The following MAPK4 variants were observed in gnomAD, a reference collection of about 807,000 sequenced individuals.
MAPK4 encodes the protein Erk3-related.
In MAPK4, 22 loss-of-function variants were observed where a neutral mutation model predicts 47.7. The observed-to-expected ratio is 0.46, with a 90% CI of 0.33 to 0.66. The LOEUF is 0.66. MAPK4 is among the 30% of genes least tolerant of loss of function. The probability of loss-of-function intolerance (pLI) is 0.02; values close to 1 mark genes in which losing one functional copy is unlikely to be tolerated. For synonymous variants in MAPK4, 390 were observed against 365.7 expected (o/e 1.07, Z -0.76); for missense variants, 736 against 831.7 (o/e 0.88, Z 1.42).
intron 1 of MAPK4, among the ~76,000 whole-genome samples, chr18:50,611,233 A>T (rs559995322): frequency 1.3e-5 from 2 of 152,232 alleles, no homozygotes; most frequent in South Asian, 4.2e-4. Context: ...TTTCTTACCA[A>T]CCTCCAATAT....
At chr18:50,725,933 A>G (rs1598962365) in intron 4 of MAPK4, 29 bp from the exon 5 acceptor site, 2 of 1,573,906 alleles carry the variant, frequency 1.3e-6, no homozygotes, top group Non-Finnish European at 1.7e-6. Context: ...GCAACAAATG[A>G]CCTTCATGTC....
intron 1 of MAPK4, among the ~76,000 whole-genome samples, chr18:50,625,420 T>A (rs1191232763): frequency 6.6e-6 from 1 of 152,172 alleles, no homozygotes; most frequent in African/African-American, 2.4e-5. Flanking sequence ...GCATCATTCT[T>A]TGAGAGCCTT....
chr18:50,719,194 GC>G (rs1437516770), intron 3 of MAPK4, among the ~76,000 whole-genome samples: 1 of 151,756 alleles, frequency 6.6e-6, no homozygotes, highest in African/African-American at 2.4e-5. Context: ...GTCTTCATTT[GC>G]CCCCTGGACT....
chr18:50,564,902 A>G (rs11082830), intron 1 of MAPK4, among the ~76,000 whole-genome samples: 77,286 of 151,986 alleles, frequency 0.51, 20,067 homozygotes, highest in Non-Finnish European at 0.57. Flanking sequence ...AATTTGATGG[A>G]CCCTCTTTAA....
chr18:50,695,338 TAAAAAAAA>T (rs59857315), intron 2 of MAPK4, among the ~76,000 whole-genome samples: 8 of 84,696 alleles, frequency 9.4e-5, no homozygotes, highest in Non-Finnish European at 1.8e-4. Context: ...GGCTCCATCT[TAAAAAAAA>T]AAAAAAAAAA....
At chr18:50,616,365 C>T (rs1214962075) in intron 1 of MAPK4, among the ~76,000 whole-genome samples, 1 of 152,108 alleles carries the variant, frequency 6.6e-6, no homozygotes, top group Non-Finnish European at 1.5e-5. Context: ...ATGGGATTTC[C>T]TCATCCATAA....
intron 1 of MAPK4, among the ~76,000 whole-genome samples, chr18:50,598,110 A>G (rs1021761435): frequency 3.3e-5 from 5 of 152,204 alleles, no homozygotes; most frequent in Non-Finnish European, 7.3e-5. Flanking sequence ...CCACTACCAC[A>G]ACACCCCTTT....
At chr18:50,670,772 A>AAG (rs1907898434) in intron 2 of MAPK4, among the ~76,000 whole-genome samples, 1 of 151,734 alleles carries the variant, frequency 6.6e-6, no homozygotes, top group Non-Finnish European at 1.5e-5. Flanking sequence ...AAAAAAAAAA[A>AAG]AAATCAACTA....
At chr18:50,572,765 A>G (rs1450605197) in intron 1 of MAPK4, among the ~76,000 whole-genome samples, 1 of 152,180 alleles carries the variant, frequency 6.6e-6, no homozygotes, top group Non-Finnish European at 1.5e-5. Flanking sequence ...TTGCTCTACA[A>G]TTTGAGTTCA....
intron 1 of MAPK4, among the ~76,000 whole-genome samples, chr18:50,568,063 G>T (rs2042216646): frequency 6.6e-6 from 1 of 151,908 alleles, no homozygotes; most frequent in East Asian, 1.9e-4. Context: ...GGGCGTGGTG[G>T]CGGATGCCTG....
chr18:50,564,652 C>T (rs2042183153), intron 1 of MAPK4, among the ~76,000 whole-genome samples: 2 of 152,156 alleles, frequency 1.3e-5, no homozygotes, highest in Admixed American at 6.5e-5. Context: ...GAATAAATAT[C>T]CTTTTTTTCA....
intron 2 of MAPK4, among the ~76,000 whole-genome samples, chr18:50,688,994 C>A (rs373720691): frequency 2.6e-5 from 4 of 152,204 alleles, no homozygotes; most frequent in Admixed American, 2.0e-4. Flanking sequence ...TGCGGTGGCT[C>A]ACGCCTGTAA....
At chr18:50,667,204 C>G (rs775098122) in intron 2 of MAPK4, among the ~76,000 whole-genome samples, 3 of 152,206 alleles carry the variant, frequency 2.0e-5, no homozygotes, top group Non-Finnish European at 4.4e-5. Flanking sequence ...GAGTCTGTCT[C>G]TTTGTACTCT....
At chr18:50,709,203 G>A (rs1190103707) in intron 2 of MAPK4, among the ~76,000 whole-genome samples, 1 of 152,166 alleles carries the variant, frequency 6.6e-6, no homozygotes, top group Non-Finnish European at 1.5e-5. Flanking sequence ...GGGCTCCTGG[G>A]AACCCAGTCC....
chr18:50,575,363 G>A (rs1055234764), intron 1 of MAPK4, among the ~76,000 whole-genome samples: 14 of 152,160 alleles, frequency 9.2e-5, no homozygotes, highest in African/African-American at 1.4e-4. Flanking sequence ...CAGGTATTTT[G>A]TCTTTGCAGA....
At chr18:50,592,642 C>A (rs2042447786) in intron 1 of MAPK4, among the ~76,000 whole-genome samples, 1 of 152,124 alleles carries the variant, frequency 6.6e-6, no homozygotes, top group Admixed American at 6.5e-5. Context: ...TGTTGCCAAG[C>A]AATATGGGAA....
chr18:50,563,869 C>T (rs963303458), intron 1 of MAPK4, among the ~76,000 whole-genome samples: 1 of 152,178 alleles, frequency 6.6e-6, no homozygotes, highest in South Asian at 2.1e-4. Context: ...CGGTCACTTT[C>T]TCTTAAATAT....
chr18:50,651,943 G>T (rs909449241), intron 1 of MAPK4, among the ~76,000 whole-genome samples: 3 of 152,212 alleles, frequency 2.0e-5, no homozygotes, highest in Admixed American at 6.5e-5. Flanking sequence ...GCAGGAGAAG[G>T]GGTCACACTA....
At chr18:50,648,917 T>G (rs1473233798) in intron 1 of MAPK4, among the ~76,000 whole-genome samples, 1 of 152,210 alleles carries the variant, frequency 6.6e-6, no homozygotes, top group African/African-American at 2.4e-5. Context: ...GAGAGAACCT[T>G]AGGTCCTTGG....
Sources: gnomAD v4.1 joint callset for allele counts (sites outside exome capture counted in the v4.1 genomes callset) on GRCh38, gnomAD v4.1.1 for gene constraint, MANE v1.5 for transcripts, NCBI Gene and HGNC (gene_info 2026-07-23, HGNC 2026-07-21) for gene names.